Variants in LRRFIP1 observed in about 807,000 individuals in gnomAD.
LRRFIP1 encodes the protein leucine-rich repeat flightless-interacting protein 1.
A neutral mutation model predicts 104.4 loss-of-function variants in LRRFIP1; 62 were observed. The observed-to-expected ratio is 0.59, with a 90% CI of 0.48 to 0.73. LRRFIP1 has a LOEUF of 0.73. Among genes scored for constraint, LRRFIP1 ranks in the 30% least tolerant of loss-of-function variants. LRRFIP1 has a pLI of 0.00. For synonymous variants in LRRFIP1, 300 were observed against 299.0 expected (o/e 1.00, Z -0.03); for missense variants, 796 against 824.5 (o/e 0.97, Z 0.42).
chr2:237,713,249 C>T (rs1338137935), intron 2 of LRRFIP1, among the ~76,000 whole-genome samples: 1 of 152,226 alleles, frequency 6.6e-6, no homozygotes, highest in Non-Finnish European at 1.5e-5. Flanking sequence ...AGCTCTCTTT[C>T]TTGAATGGTT....
intron 2 of LRRFIP1, among the ~76,000 whole-genome samples, chr2:237,710,706 T>C (rs960907570): frequency 7.2e-5 from 11 of 152,214 alleles, no homozygotes; most frequent in African/African-American, 2.7e-4. Flanking sequence ...CAAAAGTTCT[T>C]GATTTAAAAA....
chr2:237,707,166 A>G (rs1410737856), intron 1 of LRRFIP1, among the ~76,000 whole-genome samples: 2 of 152,024 alleles, frequency 1.3e-5, no homozygotes, highest in African/African-American at 4.8e-5. Flanking sequence ...ACTGAGAAAG[A>G]AGGTACATTT....
Position 237,749,267 on chromosome 2 carries a change from A to G in LRRFIP1, c.738A>G (p.Arg246=). ...LASLGGTSSR[R]GSGDTSISID... is the part of the protein sequence containing the mutation. Reference sequence around the variant, plus strand: ...CTCTGGGTGGGACTTCCTCTCGGAGAGGCAGCGGAGACACCTCCATCTCCA... The same window carrying G: ...CTCTGGGTGGGACTTCCTCTCGGAGGGGCAGCGGAGACACCTCCATCTCCA... Residue 246 remains arginine (R), a synonymous_variant, in exon 13 of 24, where the codon AGA becomes AGG. Coordinates refer to ENST00000308482, the MANE Select transcript of LRRFIP1 (RefSeq NM_001137550.2). 6.2e-7 allele frequency: 1 copy of G among 1,613,894 alleles called. No individual in the cohort carries two copies. The highest frequency in any genetic ancestry group is 8.5e-7 in the Non-Finnish European group (1 of 1,180,000).
At chr2:237,671,711 A>G (rs2090363793) in intron 1 of LRRFIP1, among the ~76,000 whole-genome samples, 1 of 151,734 alleles carries the variant, frequency 6.6e-6, no homozygotes, top group Non-Finnish European at 1.5e-5. Flanking sequence ...GGACAGGGCC[A>G]CCACTCATAG....
At chr2:237,646,227 A>T (rs115416252) in intron 1 of LRRFIP1, among the ~76,000 whole-genome samples, 19,530 of 151,718 alleles carry the variant, frequency 0.13, 1,942 homozygotes, top group Non-Finnish European at 0.2. Flanking sequence ...TTTTTAAAAA[A>T]AAATATATAT....
chr2:237,648,456 G>A (rs915745601), intron 1 of LRRFIP1, among the ~76,000 whole-genome samples: 12 of 151,790 alleles, frequency 7.9e-5, no homozygotes, highest in African/African-American at 1.4e-4. Flanking sequence ...GCCAGGTGCC[G>A]TTGGCTCCTG....
At chr2:237,692,464 C>G (rs2092870523) in intron 1 of LRRFIP1, 2 of 1,531,332 alleles carry the variant, frequency 1.3e-6, no homozygotes, top group South Asian at 1.2e-5. Flanking sequence ...GGATGACCAG[C>G]CCCGCGGCCG....
intron 1 of LRRFIP1, among the ~76,000 whole-genome samples, chr2:237,664,801 G>T (rs186853889): frequency 3.3e-5 from 5 of 152,252 alleles, no homozygotes; most frequent in African/African-American, 1.2e-4. Context: ...ACTCATCTTT[G>T]ATTGTTGCTA....
intron 1 of LRRFIP1, among the ~76,000 whole-genome samples, chr2:237,647,982 G>T (rs955380004): frequency 1.6e-4 from 25 of 152,250 alleles, no homozygotes; most frequent in African/African-American, 5.8e-4. Context: ...TCTGGGGGAA[G>T]AACTTACTTG....
At chr2:237,718,804 T>TA (rs1198014037) in intron 4 of LRRFIP1, among the ~76,000 whole-genome samples, 1 of 152,196 alleles carries the variant, frequency 6.6e-6, no homozygotes, top group Non-Finnish European at 1.5e-5. Context: ...AGCACACACT[T>TA]ACTGTATTGA....
intron 1 of LRRFIP1, among the ~76,000 whole-genome samples, chr2:237,633,388 C>A (rs2082665249): frequency 6.6e-6 from 1 of 152,206 alleles, no homozygotes; most frequent in African/African-American, 2.4e-5. Flanking sequence ...TGTGGACAGG[C>A]CTGCTGGTCC....
At chr2:237,702,421 G>C (rs2093587674) in intron 1 of LRRFIP1, among the ~76,000 whole-genome samples, 1 of 152,200 alleles carries the variant, frequency 6.6e-6, no homozygotes, top group Admixed American at 6.5e-5. Context: ...AAAGGGCCAG[G>C]CTGTGTGTTC....
chr2:237,661,927 C>T lies in LRRFIP1; in HGVS notation c.96+34187C>T, dbSNP rs2088056466. On this transcript the variant is annotated intron_variant, in intron 1 of 23. Transcript: ENST00000308482. The surrounding 1 kb of genome is among the most constrained non-coding windows in gnomAD (Gnocchi z 4.4). The stretch of plus-strand genomic sequence containing the variant: ...TCTGGCTGAAGACTGAGTCCTCGTG[C>T]ACCTAGCGTGACCCATGACAGCATG... Among the ~76,000 whole-genome samples the T allele has an allele frequency of 6.6e-6, 1 of 152,220 alleles. No individual in the cohort carries two copies. Among genetic ancestry groups the T allele is most frequent in the African/African-American group, 2.4e-5 (1 of 41,442 alleles).
intron 21 of LRRFIP1, chr2:237,772,561 A>G (rs1438833607): frequency 1.8e-5 from 9 of 492,946 alleles, no homozygotes; most frequent in Non-Finnish European, 2.9e-5. Flanking sequence ...AGGGAGATAA[A>G]ATTATGCCCA....
chr2:237,699,783 T>A (rs2093411473), intron 1 of LRRFIP1, among the ~76,000 whole-genome samples: 1 of 134,600 alleles, frequency 7.4e-6, no homozygotes, highest in African/African-American at 2.7e-5. Flanking sequence ...TTCTTCCCAA[T>A]CTTTTTGACA....
intron 1 of LRRFIP1, among the ~76,000 whole-genome samples, chr2:237,667,457 T>C (rs2089607422): frequency 6.6e-6 from 1 of 152,256 alleles, no homozygotes. Context: ...AGTCTATCAT[T>C]GATGGGCATT....
At chr2:237,729,595 C>T (rs1429769714) in intron 8 of LRRFIP1, among the ~76,000 whole-genome samples, 1 of 152,132 alleles carries the variant, frequency 6.6e-6, no homozygotes, top group Non-Finnish European at 1.5e-5. Context: ...CTTAGAATCT[C>T]CAGTTGTTAA....
chr2:237,710,533 C>T (rs1575696186), intron 2 of LRRFIP1, among the ~76,000 whole-genome samples: 1 of 152,088 alleles, frequency 6.6e-6, no homozygotes, highest in Admixed American at 6.6e-5. Flanking sequence ...GTGATTCCCC[C>T]GTTTCAGCCT....
intron 1 of LRRFIP1, among the ~76,000 whole-genome samples, chr2:237,674,609 G>T (rs991817500): frequency 1.3e-5 from 2 of 152,224 alleles, no homozygotes; most frequent in African/African-American, 4.8e-5. Flanking sequence ...GGCCCAGAGG[G>T]ATTCTTAACC....
Sources: gnomAD v4.1 joint callset for allele counts (sites outside exome capture counted in the v4.1 genomes callset) on GRCh38, gnomAD v4.1.1 for gene constraint, Gnocchi (gnomAD v3.1) non-coding constraint, MANE v1.5 for transcripts, NCBI Gene and HGNC (gene_info 2026-07-23, HGNC 2026-07-21) for gene names.